The following TARS3 variants were observed in gnomAD, a reference collection of about 807,000 sequenced individuals.
TARS3 encodes the protein threonyl-tRNA synthetase 3.
Under a neutral mutation model 103.5 loss-of-function variants are expected in TARS3, and 94 were observed. That is an observed-to-expected ratio of 0.91 (90% CI 0.77 to 1.08). The LOEUF (loss-of-function observed/expected upper bound fraction) is 1.08. TARS3 is among the 50% of genes least tolerant of loss of function. TARS3 has a pLI of 0.00. For missense variants in TARS3, 952 were observed against 995.2 expected (o/e 0.96, Z 0.58); for synonymous variants, 416 against 355.4 (o/e 1.17, Z -1.92).
chr15:101,661,341 AG>A (rs1201999263), intron 16 of TARS3, among the ~76,000 whole-genome samples: 1 of 151,242 alleles, frequency 6.6e-6, no homozygotes, highest in Non-Finnish European at 1.5e-5. Context: ...GGATGGCTGG[AG>A]GGCAAGAGGT....
At chr15:101,662,905 T>C (rs566211171) in intron 15 of TARS3, among the ~76,000 whole-genome samples, 6 of 152,324 alleles carry the variant, frequency 3.9e-5, no homozygotes, top group Admixed American at 2.6e-4. Context: ...CAGATAAACA[T>C]TGGAATGAAT....
At chr15:101,704,028 G>T in intron 7 of TARS3, 91 bp from the exon 8 acceptor site, 1 of 895,192 alleles carries the variant, frequency 1.1e-6, no homozygotes, top group Non-Finnish European at 1.7e-6. Context: ...TTTAGGTAGA[G>T]CTTCACTTAT....
chr15:101,656,085 CGAGAAATGGG>C, intron 18 of TARS3: 1 of 1,278,354 alleles, frequency 7.8e-7, no homozygotes. Flanking sequence ...AAGACAGGAA[CGAGAAATGGG>C]GAGAAATACT....
chr15:101,676,660 G>A (rs976143105), intron 12 of TARS3, among the ~76,000 whole-genome samples: 2 of 149,228 alleles, frequency 1.3e-5, no homozygotes, highest in Non-Finnish European at 1.5e-5. Context: ...CACCATGCTC[G>A]GCTAATTTTT....
chr15:101,673,085 G>A (rs372549286), intron 13 of TARS3, among the ~76,000 whole-genome samples: 1 of 152,150 alleles, frequency 6.6e-6, no homozygotes, highest in African/African-American at 2.4e-5. Context: ...AACCATTTCA[G>A]ACACTTCTGA....
intron 15 of TARS3, 93 bp downstream of exon 15, chr15:101,671,393 C>T: frequency 1.1e-6 from 1 of 899,364 alleles, no homozygotes; most frequent in Non-Finnish European, 1.8e-6. Context: ...ATATACTAGA[C>T]ATTCACTAAT....
At chr15:101,683,169 T>C (rs1898323109) in intron 12 of TARS3, among the ~76,000 whole-genome samples, 1 of 152,312 alleles carries the variant, frequency 6.6e-6, no homozygotes, top group Admixed American at 6.5e-5. Flanking sequence ...GGGTGTAATT[T>C]GTTCTTCTTT....
rs1596337209 is a variant in TARS3 at position 101,724,467 on chromosome 15, A to G, written c.-80T>C. 8.2e-6 allele frequency: 11 copies of G among 1,337,430 alleles called. No individual in the cohort carries two copies. The highest frequency in any genetic ancestry group is 2.8e-4 in the Middle Eastern group (1 of 3,624). 82.8% of individuals were successfully genotyped at this position (1,337,430 alleles called of 1,614,324 possible). ...GCGACGCGGACACTCAGCGCACGGC[A>G]GAAGACAGGGCTCCCGGGAGGGGCG... On this transcript the variant is annotated 5_prime_UTR_variant, in exon 1 of 19. Coordinates refer to ENST00000335968, the MANE Select transcript of TARS3 (RefSeq NM_152334.3).
chr15:101,722,204 C>T (rs1468659713), intron 2 of TARS3, among the ~76,000 whole-genome samples: 3 of 150,074 alleles, frequency 2.0e-5, no homozygotes, highest in Admixed American at 6.7e-5. Flanking sequence ...CTATTTTACC[C>T]GCTGGCATCT....
chr15:101,678,667 G>C (rs1036069398), intron 12 of TARS3, among the ~76,000 whole-genome samples: 1 of 152,088 alleles, frequency 6.6e-6, no homozygotes, highest in African/African-American at 2.4e-5. Flanking sequence ...TAGAACATCA[G>C]AAAGAACATG....
intron 10 of TARS3, 40 bp from the exon 11 acceptor site, chr15:101,686,102 C>A: frequency 1.3e-6 from 2 of 1,539,170 alleles, no homozygotes; most frequent in East Asian, 4.6e-5. Flanking sequence ...TCTGCTAGGG[C>A]AGATCACAAT....
intron 10 of TARS3, among the ~76,000 whole-genome samples, chr15:101,688,433 A>T (rs750614912): frequency 2.0e-4 from 30 of 152,162 alleles, no homozygotes; most frequent in Non-Finnish European, 4.3e-4. Flanking sequence ...CAGATAACTT[A>T]TCTGGAACAT....
At chr15:101,685,816 C>G (rs752944409) in intron 11 of TARS3, 80 bp downstream of exon 11, 45 of 1,207,554 alleles carry the variant, frequency 3.7e-5, no homozygotes, top group Non-Finnish European at 4.8e-5. Context: ...CTCTTTCATT[C>G]CACAAAGCAT....
chr15:101,679,940 G>A (rs976516981), intron 12 of TARS3, among the ~76,000 whole-genome samples: 1 of 152,158 alleles, frequency 6.6e-6, no homozygotes, highest in Non-Finnish European at 1.5e-5. Context: ...CAGAAAGCAT[G>A]GCCTCATGAC....
chr15:101,671,908 C>T (rs1390167264), intron 13 of TARS3, among the ~76,000 whole-genome samples, 160 bp from the exon 14 acceptor site: 1 of 152,062 alleles, frequency 6.6e-6, no homozygotes, highest in Admixed American at 6.5e-5. Flanking sequence ...GCAGGGACTA[C>T]ACAGAGATGA....
At chr15:101,690,337 A>G (rs1032120068) in intron 10 of TARS3, among the ~76,000 whole-genome samples, 2 of 152,316 alleles carry the variant, frequency 1.3e-5, no homozygotes, top group African/African-American at 4.8e-5. Flanking sequence ...TTTAAACACA[A>G]TAGTATAATA....
intron 12 of TARS3, among the ~76,000 whole-genome samples, chr15:101,679,495 TCGC>T (rs769212459): frequency 2.2e-5 from 3 of 136,994 alleles, no homozygotes; most frequent in African/African-American, 5.1e-5. Flanking sequence ...TTCTGTTTCT[TCGC>T]TGACTTTGTA....
chr15:101,684,339 T>G, intron 11 of TARS3, 102 bp from the exon 12 acceptor site: 1 of 1,164,350 alleles, frequency 8.6e-7, no homozygotes, highest in Non-Finnish European at 1.1e-6. Flanking sequence ...ATTCATAAAC[T>G]CCTTATTCTA....
chr15:101,695,744 A>G (rs2141420554), intron 10 of TARS3: 1 of 152,196 alleles, frequency 6.6e-6, no homozygotes, highest in African/African-American at 2.4e-5. Flanking sequence ...CTGTACTAAA[A>G]ATACAAAAAT....
Sources: gnomAD v4.1 joint callset for allele counts (sites outside exome capture counted in the v4.1 genomes callset) on GRCh38, gnomAD v4.1.1 for gene constraint, MANE v1.5 for transcripts, NCBI Gene and HGNC (gene_info 2026-07-23, HGNC 2026-07-21) for gene names.